The following ZNF273 variants were observed in gnomAD, a reference collection of about 807,000 sequenced individuals.
ZNF273 encodes the protein zinc finger protein 9.
Under a neutral mutation model 14.9 loss-of-function variants are expected in ZNF273, and 11 were observed. The observed-to-expected ratio is 0.74, with a 90% CI of 0.46 to 1.22. The LOEUF is 1.22. Ranked by LOEUF, ZNF273 falls within the 50% of genes most tolerant of loss-of-function variation. The probability of loss-of-function intolerance (pLI) is 0.00; values close to 1 mark genes in which losing one functional copy is unlikely to be tolerated. For missense variants in ZNF273, 577 were observed against 660.6 expected, an observed-to-expected ratio of 0.87 and a Z score of 1.39; for synonymous variants, 199 against 223.9, an observed-to-expected ratio of 0.89 and a Z score of 0.99.
downstream of ZNF273, chr7:64,889,067 T>C (rs1791792321): frequency 1.0e-6 from 1 of 985,940 alleles, no homozygotes; most frequent in South Asian, 4.7e-5. The surrounding 1 kb of genome is among the most constrained non-coding windows in gnomAD (Gnocchi z 4.2). Flanking sequence ...TTCTCCTACC[T>C]AGAGCGCAGC....
downstream of ZNF273, among the ~76,000 whole-genome samples, chr7:64,934,843 C>T (rs1479987302): frequency 6.6e-6 from 1 of 151,630 alleles, no homozygotes; most frequent in African/African-American, 2.4e-5. Flanking sequence ...TTAAGTATGT[C>T]ACTGGTATTT....
rs775512376 is a variant in ZNF273 at position 64,928,994 on chromosome 7, A to T, written c.1666A>T (p.Asn556Tyr). 1.3e-6 allele frequency: 2 copies of T among 1,577,356 alleles called. No homozygotes were observed. Among genetic ancestry groups the T allele is most frequent in the East Asian group, 2.2e-5 (1 of 44,644 alleles). ...TGACAGTGCTTTTGACAACACCCCA[A>T]ACTTTTCTAGACATAAAAGAAATCA... The part of the protein sequence containing the change: ...RCDSAFDNTP[N>Y]FSRHKRNHMG... The change falls in exon 4 of 4, where the codon AAC (asparagine) becomes TAC (tyrosine). Residue 556 changes from asparagine (N) to tyrosine (Y), a missense_variant. Coordinates refer to ENST00000476120, the MANE Select transcript of ZNF273 (RefSeq NM_021148.3).
chr7:64,906,370 T>C (rs1400850131), intron 1 of ZNF273, among the ~76,000 whole-genome samples: 1 of 152,214 alleles, frequency 6.6e-6, no homozygotes, highest in Admixed American at 6.5e-5. Flanking sequence ...TATAAAATAA[T>C]ACGTTTATCA....
intron 1 of ZNF273, among the ~76,000 whole-genome samples, chr7:64,910,076 A>G (rs1383891033): frequency 6.6e-6 from 1 of 151,774 alleles, no homozygotes; most frequent in East Asian, 1.9e-4. Flanking sequence ...GATATTAGAC[A>G]TTTGGCAGAA....
rs115196769 is a variant in ZNF273, at chr7:64,922,853, C to G, written c.325+4561C>G. On this transcript the variant is annotated intron_variant, in intron 3 of 3. Coordinates refer to ENST00000476120, the MANE Select transcript of ZNF273 (RefSeq NM_021148.3). Reference sequence around the variant, plus strand: ...TGGTGGTGCATGCCTGTAATCCCAGCTTTACCGGAGGCTGAGGCATGAGAA... The same window carrying G: ...TGGTGGTGCATGCCTGTAATCCCAGGTTTACCGGAGGCTGAGGCATGAGAA... Among the ~76,000 whole-genome samples the G allele has an allele frequency of 9.2e-3, 1,396 of 152,152 alleles. 16 individuals are homozygous for G. The highest frequency in any genetic ancestry group is 0.032 in the African/African-American group (1,327 of 41,504).
At chr7:64,891,793 G>A (rs1174311199), downstream of ZNF273, among the ~76,000 whole-genome samples, 1 of 152,264 alleles carries the variant, frequency 6.6e-6, no homozygotes, top group Non-Finnish European at 1.5e-5. Flanking sequence ...TAAGTGGGGT[G>A]TGGGAGAGGA....
At chr7:64,935,539 T>C (rs1251528341), downstream of ZNF273, among the ~76,000 whole-genome samples, 2 of 152,152 alleles carry the variant, frequency 1.3e-5, no homozygotes, top group African/African-American at 2.4e-5. Context: ...TATTTATTTA[T>C]TGAAACAGAG....
At chr7:64,927,470 T>C (rs1381840619) in intron 3 of ZNF273, among the ~76,000 whole-genome samples, 184 bp from the exon 4 acceptor site, 1 of 152,264 alleles carries the variant, frequency 6.6e-6, no homozygotes, top group Non-Finnish European at 1.5e-5. Context: ...TTATAAATTT[T>C]CCACAAATGT....
At chr7:64,889,188 C>T, downstream of ZNF273, 1 of 985,866 alleles carries the variant, frequency 1.0e-6, no homozygotes, top group Non-Finnish European at 1.2e-6. This position sits in a 1 kb window ranked among gnomAD's most constrained non-coding sequence, Gnocchi z 4.2. Context: ...GCGGCAGCCC[C>T]TGCAGTCATG....
downstream of ZNF273, among the ~76,000 whole-genome samples, chr7:64,934,978 TTTAGA>T (rs1471196520): frequency 1.3e-5 from 2 of 152,194 alleles, no homozygotes; most frequent in Non-Finnish European, 2.9e-5. Context: ...TTTAATGTTC[TTTAGA>T]TTATAATGTA....
At chr7:64,889,580 G>A (rs1001411269), downstream of ZNF273, 7 of 985,986 alleles carry the variant, frequency 7.1e-6, no homozygotes, top group African/African-American at 1.2e-4. This position sits in a 1 kb window ranked among gnomAD's most constrained non-coding sequence, Gnocchi z 4.2. Context: ...ACAGTGAGAT[G>A]GGGCTGGCGG....
downstream of ZNF273, among the ~76,000 whole-genome samples, chr7:64,880,843 T>G (rs888972377): frequency 2.0e-5 from 3 of 152,134 alleles, no homozygotes; most frequent in Non-Finnish European, 4.4e-5. Flanking sequence ...AGCAGTCCTG[T>G]GCCCAGGACT....
chr7:64,901,010 T>A (rs3068729), upstream of ZNF273, among the ~76,000 whole-genome samples: 101 of 85,558 alleles, frequency 1.2e-3, no homozygotes, highest in East Asian at 2.7e-3. Flanking sequence ...TTATTTATTT[T>A]TTTTTTTTTG....
intron 3 of ZNF273, among the ~76,000 whole-genome samples, chr7:64,919,300 G>C (rs372899632): frequency 6.6e-6 from 1 of 151,998 alleles, no homozygotes; most frequent in Non-Finnish European, 1.5e-5. Flanking sequence ...ATCCATATAC[G>C]TAAAATATTT....
At chr7:64,882,516 A>C (rs1451693801), downstream of ZNF273, 1 of 152,264 alleles carries the variant, frequency 6.6e-6, no homozygotes, top group Non-Finnish European at 1.5e-5. Flanking sequence ...GCGGGGCACA[A>C]GGCGCCAGCG....
chr7:64,883,214 A>AT (rs1554378895), downstream of ZNF273, among the ~76,000 whole-genome samples: 2 of 121,638 alleles, frequency 1.6e-5, no homozygotes, highest in African/African-American at 6.2e-5. Flanking sequence ...CCAAATCACC[A>AT]CCCCCCCCTC....
chr7:64,928,660 C>T lies in ZNF273; in HGVS notation c.1332C>T (p.Thr444=), dbSNP rs771569865. 3 of 1,612,804 alleles carry T rather than the reference C, an allele frequency of 1.9e-6. No homozygotes were observed. The highest frequency in any genetic ancestry group is 2.2e-5 in the South Asian group (2 of 91,026). Residue 444 remains threonine (T), a synonymous_variant, in exon 4 of 4, where the codon ACC becomes ACT. Coordinates refer to ENST00000476120, the MANE Select transcript of ZNF273 (RefSeq NM_021148.3). The part of the protein sequence containing the change: ...ECGKAFSVFS[T]LTKHKIIHTG... ...GAAAAGCCTTTAGTGTATTCTCAAC[C>T]CTTACTAAACATAAGATAATTCATA... is the stretch of plus-strand genomic sequence containing the variant.
At chr7:64,895,072 G>A (rs1042181925) in intron 3 of ZNF273, among the ~76,000 whole-genome samples, 4 of 152,122 alleles carry the variant, frequency 2.6e-5, no homozygotes, top group Non-Finnish European at 4.4e-5. Context: ...AGGAGGCAGA[G>A]GTTGCAGTGA....
In ZNF273 at chr7:64,929,738, GTA is replaced by G. The variant is rs1794933227; in HGVS notation, c.*704_*705del. 1 of 151,596 alleles carries G rather than the reference GTA, an allele frequency of 6.6e-6. No homozygotes were observed. The highest frequency in any genetic ancestry group is 1.5e-5 in the Non-Finnish European group (1 of 68,022). 9.4% of individuals were successfully genotyped at this position (151,596 alleles called of 1,614,324 possible). A position where few individuals can be genotyped will look rare whatever the true frequency, so the allele number is the denominator to read the frequency against. Reference sequence around the variant, plus strand: ...AATAGTGAACAAGTTTTTGGCAGAGGTATATTTACATTCAGAGTACACTTTTC... The same window carrying G: ...AATAGTGAACAAGTTTTTGGCAGAGGTATTTACATTCAGAGTACACTTTTC... On this transcript the variant is annotated 3_prime_UTR_variant, in exon 4 of 4. Coordinates refer to ENST00000476120, the MANE Select transcript of ZNF273 (RefSeq NM_021148.3).
Sources: allele counts gnomAD v4.1 joint callset (sites outside exome capture counted in the v4.1 genomes callset), GRCh38; gene constraint gnomAD v4.1.1; non-coding constraint Gnocchi (gnomAD v3.1); transcripts MANE v1.5; gene names NCBI Gene and HGNC (gene_info 2026-07-23, HGNC 2026-07-21).